FAM81A: variants seen among roughly 807,000 people sequenced by gnomAD.
The protein encoded by FAM81A is family with sequence similarity 81 member A.
FAM81A carries 19 observed loss-of-function variants against 46.7 expected under a neutral mutation model. That is an observed-to-expected ratio of 0.41 (90% CI 0.28 to 0.60). The LOEUF (loss-of-function observed/expected upper bound fraction) is 0.60. FAM81A is among the 20% of genes least tolerant of loss of function. FAM81A has a pLI of 0.34. For synonymous variants in FAM81A, 183 were observed against 152.9 expected (o/e 1.20, Z -1.45); for missense variants, 377 against 453.5 (o/e 0.83, Z 1.53).
upstream of FAM81A, among the ~76,000 whole-genome samples, chr15:59,435,857 G>A (rs961535045): frequency 5.3e-5 from 8 of 152,132 alleles, no homozygotes; most frequent in African/African-American, 1.7e-4. Context: ...TACAATCAAA[G>A]TGATTCTGGA....
At chr15:59,424,693 T>C (rs2081187995) in intron 2 of FAM81A, among the ~76,000 whole-genome samples, 1 of 152,236 alleles carries the variant, frequency 6.6e-6, no homozygotes, top group African/African-American at 2.4e-5. Context: ...AAATTCTTGA[T>C]TTCTCTTTCC....
intron 2 of FAM81A, among the ~76,000 whole-genome samples, chr15:59,459,357 T>A (rs1427598223): frequency 1.3e-5 from 2 of 152,182 alleles, no homozygotes; most frequent in Non-Finnish European, 2.9e-5. Flanking sequence ...CACATACAAG[T>A]CGGGATTTGC....
chr15:59,453,558 C>G (rs565494514), intron 1 of FAM81A, among the ~76,000 whole-genome samples: 228 of 152,256 alleles, frequency 1.5e-3, no homozygotes, highest in Admixed American at 2.9e-3. Flanking sequence ...AAGAGCCTTT[C>G]TTATCCTACC....
chr15:59,515,813 A>T (rs999104239), intron 7 of FAM81A, among the ~76,000 whole-genome samples: 4 of 152,170 alleles, frequency 2.6e-5, no homozygotes, highest in African/African-American at 4.8e-5. Flanking sequence ...AAACCCCAGG[A>T]TAATAGTGGC....
intron 3 of FAM81A, among the ~76,000 whole-genome samples, chr15:59,477,867 G>A (rs892447453): frequency 6.6e-6 from 1 of 152,214 alleles, no homozygotes; most frequent in African/African-American, 2.4e-5. Context: ...CATCCACAGT[G>A]TCTGTTAGCG....
At chr15:59,509,094 A>T (rs1377431134) in intron 6 of FAM81A, 125 bp downstream of exon 6, 36 of 740,120 alleles carry the variant, frequency 4.9e-5, no homozygotes, top group Non-Finnish European at 6.7e-5. Flanking sequence ...GAAGTTAAAA[A>T]GAAAAGTTTC....
At chr15:59,487,554 C>T (rs574623255) in intron 3 of FAM81A, among the ~76,000 whole-genome samples, 4 of 151,756 alleles carry the variant, frequency 2.6e-5, no homozygotes, top group Admixed American at 6.6e-5. Context: ...TAAATAAAAT[C>T]AGAGATGAAA....
chr15:59,463,690 CAAT>C (rs201652680), intron 3 of FAM81A, among the ~76,000 whole-genome samples: 3 of 151,338 alleles, frequency 2.0e-5, no homozygotes, highest in South Asian at 4.2e-4. Context: ...CTAAAAATAA[CAAT>C]AATAATAATA....
chr15:59,472,946 A>C (rs1490270963), intron 3 of FAM81A, among the ~76,000 whole-genome samples: 1 of 152,192 alleles, frequency 6.6e-6, no homozygotes, highest in Non-Finnish European at 1.5e-5. Context: ...AGTCAGTTTT[A>C]TCCCAGACGC....
At position 59,497,453 on chromosome 15, in the gene FAM81A, A is replaced by T. The variant is rs371378284; in HGVS notation, c.413+5064A>T. On this transcript the variant is annotated intron_variant, in intron 4 of 8. Transcript: ENST00000288228. ...AGAGCAAGACTCTGTCTCAAAAAAA[A>T]AAAAATTTAAGATCAGTTTGTCAAT... 6.6e-5 allele frequency among the ~76,000 whole-genome samples: 10 copies of T among 152,350 alleles called. No homozygotes were observed. In the South Asian group the frequency reaches 1.4e-3, roughly 22 times the overall value.
intron 8 of FAM81A, among the ~76,000 whole-genome samples, chr15:59,518,227 C>T (rs1404556341): frequency 6.6e-6 from 1 of 151,810 alleles, no homozygotes; most frequent in Non-Finnish European, 1.5e-5. Context: ...ATCCTCCCGC[C>T]TCGGCCTGCT....
At chr15:59,407,402 C>T (rs2081100889) in intron 2 of FAM81A, 1 of 146,898 alleles carries the variant, frequency 6.8e-6, no homozygotes, top group Non-Finnish European at 1.5e-5. Context: ...TCACGCTATT[C>T]TCCTGCCTCA....
intron 4 of FAM81A, among the ~76,000 whole-genome samples, chr15:59,502,098 C>T (rs1294887567): frequency 6.6e-6 from 1 of 151,468 alleles, no homozygotes; most frequent in African/African-American, 2.4e-5. Flanking sequence ...TTCTTTCATG[C>T]ATGTAATTTT....
chr15:59,414,135 G>A (rs1365552980), intron 2 of FAM81A, among the ~76,000 whole-genome samples: 2 of 152,076 alleles, frequency 1.3e-5, no homozygotes, highest in African/African-American at 2.4e-5. Context: ...TGTATTTTTA[G>A]TAGAGACAGG....
chr15:59,430,136 A>G (rs1370157480), intron 2 of FAM81A, among the ~76,000 whole-genome samples: 2 of 152,036 alleles, frequency 1.3e-5, no homozygotes, highest in Admixed American at 6.6e-5. Context: ...AGCCACATTT[A>G]TCCTCAGAGA....
intron 3 of FAM81A, among the ~76,000 whole-genome samples, chr15:59,481,257 C>T (rs1433007239): frequency 6.6e-6 from 1 of 152,198 alleles, no homozygotes; most frequent in Non-Finnish European, 1.5e-5. Context: ...CTCGGTCTCC[C>T]AGAGTGCTGG....
intron 2 of FAM81A, among the ~76,000 whole-genome samples, chr15:59,405,378 C>T (rs1196682404): frequency 6.6e-6 from 1 of 152,130 alleles, no homozygotes; most frequent in African/African-American, 2.4e-5. Context: ...CTGTGGCTCA[C>T]ACCTGGAATC....
intron 1 of FAM81A, among the ~76,000 whole-genome samples, chr15:59,454,699 C>T (rs775047599): frequency 3.9e-5 from 6 of 152,144 alleles, no homozygotes; most frequent in Non-Finnish European, 7.3e-5. Flanking sequence ...AGTCATGGCT[C>T]ACTGCAGCCT....
At chr15:59,494,424 A>G (rs1166209882) in intron 4 of FAM81A, among the ~76,000 whole-genome samples, 1 of 152,188 alleles carries the variant, frequency 6.6e-6, no homozygotes, top group Non-Finnish European at 1.5e-5. Flanking sequence ...TGGTGGCTTT[A>G]TCATCTCAGG....
Sources: allele counts gnomAD v4.1 joint callset (sites outside exome capture counted in the v4.1 genomes callset), GRCh38; gene constraint gnomAD v4.1.1; transcripts MANE v1.5; gene names NCBI Gene and HGNC (gene_info 2026-07-23, HGNC 2026-07-21).